Variants in CACNA1A observed in about 807,000 individuals in gnomAD.
The protein encoded by CACNA1A is voltage-dependent P/Q-type calcium channel subunit alpha-1A.
CACNA1A carries 57 observed loss-of-function variants against 262.4 expected under a neutral mutation model. That is an observed-to-expected ratio of 0.22 (90% CI 0.18 to 0.27). CACNA1A has a LOEUF of 0.27. CACNA1A is among the 10% of genes least tolerant of loss of function. The probability of loss-of-function intolerance (pLI) is 1.00; values close to 1 mark genes in which losing one functional copy is unlikely to be tolerated. For missense variants in CACNA1A, 2,526 were observed against 3,562.8 expected (o/e 0.71, Z 7.41); for synonymous variants, 1,431 against 1,419.3 (o/e 1.01, Z -0.18).
intron 17 of CACNA1A, among the ~76,000 whole-genome samples, chr19:13,303,203 C>A (rs2057823531): frequency 6.6e-6 from 1 of 152,260 alleles, no homozygotes; most frequent in South Asian, 2.1e-4. Flanking sequence ...CATAACAGCA[C>A]TCCCTCTCCC....
chr19:13,293,940 T>C (rs2057602134), intron 19 of CACNA1A, among the ~76,000 whole-genome samples: 1 of 152,136 alleles, frequency 6.6e-6, no homozygotes, highest in Admixed American at 6.5e-5. Context: ...GCTGCTCTTG[T>C]AGTTTCCAAT....
intron 15 of CACNA1A, 46 bp from the exon 16 acceptor site, chr19:13,303,930 C>T (rs774717633): frequency 7.3e-6 from 10 of 1,373,690 alleles, no homozygotes; most frequent in South Asian, 2.5e-5. Flanking sequence ...CTCTCAGCCA[C>T]GGGCCCCTTG....
intron 38 of CACNA1A, among the ~76,000 whole-genome samples, chr19:13,223,238 G>T (rs558392014): frequency 6.6e-6 from 1 of 152,064 alleles, no homozygotes; most frequent in East Asian, 1.9e-4. Context: ...CTGTCACCCA[G>T]GCTGTAGTGC....
intron 24 of CACNA1A, among the ~76,000 whole-genome samples, chr19:13,263,707 G>C (rs2056794378): frequency 1.3e-5 from 2 of 152,030 alleles, no homozygotes; most frequent in African/African-American, 4.8e-5. Flanking sequence ...TTTTAGTAGA[G>C]ATGGGGCTTC....
intron 4 of CACNA1A, among the ~76,000 whole-genome samples, chr19:13,366,715 G>A (rs2059218227): frequency 6.6e-6 from 1 of 152,044 alleles, no homozygotes; most frequent in African/African-American, 2.4e-5. Flanking sequence ...TGGGCAACTT[G>A]CACCCAGAAG....
chr19:13,384,455 T>C (rs945986822), intron 3 of CACNA1A, among the ~76,000 whole-genome samples: 1 of 152,184 alleles, frequency 6.6e-6, no homozygotes, highest in African/African-American at 2.4e-5. Flanking sequence ...CTCAGCACTT[T>C]GAAAGGCCGA....
Position 13,416,675 on chromosome 19 carries a change from C to T in CACNA1A, c.539+36201G>A, listed in dbSNP as rs142155265. Among the ~76,000 whole-genome samples the T allele has an allele frequency of 1.7e-3, 262 of 152,042 alleles. 6 individuals carry two copies. In the East Asian group the frequency reaches 0.041, roughly 24 times the overall value. ...CTAAAAATACAAAAAATTAGCTGGG[C>T]GTGTTGGCGGGCGCCTGTAATCCCA... On this transcript the variant is annotated intron_variant, in intron 3 of 46. Transcript: ENST00000360228.
intron 12 of CACNA1A, among the ~76,000 whole-genome samples, chr19:13,310,555 T>C (rs1242447149): frequency 2.0e-4 from 27 of 136,770 alleles, no homozygotes; most frequent in Admixed American, 7.5e-4. Context: ...ACTTGAACTT[T>C]GCATGAACTG....
intron 30 of CACNA1A, among the ~76,000 whole-genome samples, chr19:13,251,654 T>C (rs1318107978): frequency 6.6e-6 from 1 of 152,194 alleles, no homozygotes; most frequent in Non-Finnish European, 1.5e-5. Context: ...ACAGGTCATG[T>C]TGATAATATT....
rs1191594478 is a variant in CACNA1A at position 13,308,325 on chromosome 19, G to A, written c.1782-74C>T. The A allele has an allele frequency of 4.4e-5, 69 of 1,565,754 alleles. No homozygotes were observed. The highest frequency in any genetic ancestry group is 5.6e-5 in the Non-Finnish European group (64 of 1,152,424). On this transcript the variant is annotated intron_variant, in intron 13 of 46. Transcript: ENST00000360228. The surrounding 1 kb of genome is among the most constrained non-coding windows in gnomAD (Gnocchi z 4.2). ...GCCCCGGAGTCAGCCCTCGAAACACGAGGCTCACTTTCCCAACTTTCTGGA... is the reference window on the plus strand; with the variant it reads ...GCCCCGGAGTCAGCCCTCGAAACACAAGGCTCACTTTCCCAACTTTCTGGA...
At position 13,457,853 on chromosome 19, in the gene CACNA1A, C is replaced by CAAAAA. The variant is rs775895393; in HGVS notation, c.294-2646_294-2642dup. Among the ~76,000 whole-genome samples the CAAAAA allele has an allele frequency of 5.1e-5, 3 of 58,670 alleles. No homozygotes were observed. The Admixed American group carries it at 5.7e-4, about 11-fold the overall frequency. 38.5% of individuals were successfully genotyped at this position (58,670 alleles called of 152,430 possible). A position where few individuals can be genotyped will look rare whatever the true frequency, so the allele number is the denominator to read the frequency against. On this transcript the variant is annotated intron_variant, in intron 1 of 46. Coordinates refer to ENST00000360228, the MANE Select transcript of CACNA1A (RefSeq NM_001127222.2). ...GGGCAACAAAAGCAAAACTCCGTTT[C>CAAAAA]AAAAAAAAAAAAAAAAAAGGAATGA...
At position 13,330,251 on chromosome 19, in the gene CACNA1A, G is replaced by A. The variant is rs776881073; in HGVS notation, c.1338C>T (p.Ala446=). Residue 446 remains alanine, a synonymous_variant, in exon 10 of 47, where the codon GCC becomes GCT. Transcript: ENST00000360228. ...GCAGAGGAAGGGACTCACCCACAGAGGCTATATCAGCCAGCTGATCCTCAG... is the reference window on the plus strand; with the variant it reads ...GCAGAGGAAGGGACTCACCCACAGAAGCTATATCAGCCAGCTGATCCTCAG... ...EEAEDQLADI[A]SVGSPFARAS... is the part of the protein sequence containing the mutation. 3.2e-6 allele frequency: 5 copies of A among 1,555,136 alleles called. No individual in the cohort carries two copies. The South Asian group carries it at 4.7e-5, about 15-fold the overall frequency.
chr19:13,472,804 G>T (rs926412941), intron 1 of CACNA1A, among the ~76,000 whole-genome samples: 1 of 152,130 alleles, frequency 6.6e-6, no homozygotes, highest in African/African-American at 2.4e-5. Flanking sequence ...AAAGTGCAGT[G>T]GTGCAATCAT....
Position 13,506,233 on chromosome 19 carries a change from G to C in CACNA1A, c.-9C>G, listed in dbSNP as rs1316440848. 4 of 1,457,812 alleles carry C rather than the reference G, an allele frequency of 2.7e-6. No individual in the cohort carries two copies. The highest frequency in any genetic ancestry group is 2.1e-4 in the Middle Eastern group (1 of 4,698). The allele number at this position is 1,457,812 out of a possible 1,614,324, so 90.3% of individuals were successfully genotyped here. A position where few individuals can be genotyped will look rare whatever the true frequency, so the allele number is the denominator to read the frequency against. On this transcript the variant is annotated 5_prime_UTR_variant, in exon 1 of 47. Transcript: ENST00000360228. ...TCTCCGAAGCGGGCCATTCTGCAAA[G>C]AGCAAAGGGCTCCGGGTTACGCTGC...
intron 3 of CACNA1A, among the ~76,000 whole-genome samples, chr19:13,392,674 C>T (rs1599355489): frequency 6.6e-6 from 1 of 152,098 alleles, no homozygotes; most frequent in African/African-American, 2.4e-5. Flanking sequence ...TCCTTCCTTC[C>T]TTCCTTCCTT....
intron 36 of CACNA1A, 59 bp downstream of exon 36, chr19:13,230,023 T>C: frequency 6.3e-7 from 1 of 1,583,110 alleles, no homozygotes; most frequent in South Asian, 1.2e-5. Context: ...ACCTAGCCCG[T>C]GTTCCAGTTC....
intron 3 of CACNA1A, among the ~76,000 whole-genome samples, chr19:13,442,880 T>G (rs2060749425): frequency 6.6e-6 from 1 of 152,206 alleles, no homozygotes; most frequent in Non-Finnish European, 1.5e-5. Context: ...AATTCTCAAG[T>G]TTATTTTCCT....
intron 6 of CACNA1A, among the ~76,000 whole-genome samples, chr19:13,337,253 A>T (rs951230642): frequency 6.6e-6 from 1 of 152,190 alleles, no homozygotes; most frequent in Non-Finnish European, 1.5e-5. Context: ...TCCAAGCTCA[A>T]GGTGTCAGAA....
chr19:13,215,728 C>A (rs892920367), intron 38 of CACNA1A, among the ~76,000 whole-genome samples: 3 of 150,976 alleles, frequency 2.0e-5, no homozygotes, highest in Non-Finnish European at 4.4e-5. Flanking sequence ...GAGATTCTCC[C>A]GCTTCAGCTT....
Sources: allele counts gnomAD v4.1 joint callset (sites outside exome capture counted in the v4.1 genomes callset), GRCh38; gene constraint gnomAD v4.1.1; non-coding constraint Gnocchi (gnomAD v3.1); transcripts MANE v1.5; gene names NCBI Gene and HGNC (gene_info 2026-07-23, HGNC 2026-07-21).